Variants in ANTXR1 observed in about 807,000 individuals in gnomAD.
ANTXR1 encodes the protein ANTXR cell adhesion molecule 1, also known as anthrax toxin receptor 1.
Under a neutral mutation model 78.1 loss-of-function variants are expected in ANTXR1, and 19 were observed. That is an observed-to-expected ratio of 0.24 (90% CI 0.17 to 0.36). The LOEUF (loss-of-function observed/expected upper bound fraction) is 0.36. ANTXR1 is among the 10% of genes least tolerant of loss of function. The pLI is 1.00. For synonymous variants in ANTXR1, 273 were observed against 260.5 expected, an observed-to-expected ratio of 1.05 and a Z score of -0.46; for missense variants, 518 against 718.6, an observed-to-expected ratio of 0.72 and a Z score of 3.19.
rs139065872 is a variant in ANTXR1 at position 69,175,026 on chromosome 2, C to G, written c.1089+4737C>G. Among the ~76,000 whole-genome samples the G allele has an allele frequency of 8.4e-3, 1,285 of 152,286 alleles. 10 individuals carry two copies. Among genetic ancestry groups the G allele is most frequent in the Non-Finnish European group, 0.014 (965 of 68,020 alleles). On this transcript the variant is annotated intron_variant, in intron 14 of 17. Transcript: ENST00000303714. ...CATAGAGCAGTCTTTCCTCACTGGTCCCTGAAGACAATGTAGCTCCTGCAA... is the reference window on the plus strand; with the variant it reads ...CATAGAGCAGTCTTTCCTCACTGGTGCCTGAAGACAATGTAGCTCCTGCAA...
intron 17 of ANTXR1, among the ~76,000 whole-genome samples, chr2:69,207,834 G>T (rs1373812363): frequency 6.6e-6 from 1 of 152,194 alleles, no homozygotes; most frequent in African/African-American, 2.4e-5. Context: ...AGGTGGAGAA[G>T]AATTTTATTG....
Position 69,026,485 on chromosome 2 carries a change from G to T in ANTXR1, c.152+12834G>T, listed in dbSNP as rs142914166. Reference sequence around the variant, plus strand: ...TAAAGTGCCCAGCACAATGCCTGCTGCTTAGTCAGTACTCAGTAAATGTGA... The same window carrying T: ...TAAAGTGCCCAGCACAATGCCTGCTTCTTAGTCAGTACTCAGTAAATGTGA... On this transcript the variant is annotated intron_variant, in intron 1 of 17. Transcript: ENST00000303714. 1.6e-3 allele frequency among the ~76,000 whole-genome samples: 251 copies of T among 152,342 alleles called. 1 individual carries two copies. The highest frequency in any genetic ancestry group is 2.6e-3 in the Non-Finnish European group (174 of 68,032).
intron 3 of ANTXR1, 46 bp from the exon 4 acceptor site, chr2:69,070,601 G>A: frequency 6.3e-7 from 1 of 1,586,802 alleles, no homozygotes; most frequent in Non-Finnish European, 8.7e-7. Flanking sequence ...CAACAGCAAA[G>A]TAAAAAATAC....
intron 17 of ANTXR1, among the ~76,000 whole-genome samples, chr2:69,235,215 G>A (rs1385469691): frequency 6.6e-6 from 1 of 151,682 alleles, no homozygotes; most frequent in Non-Finnish European, 1.5e-5. Flanking sequence ...TAGAGACAGG[G>A]TTTCTCCATG....
intron 9 of ANTXR1, among the ~76,000 whole-genome samples, chr2:69,099,160 T>A (rs558059003): frequency 1.3e-5 from 2 of 152,328 alleles, no homozygotes; most frequent in South Asian, 4.1e-4. Flanking sequence ...CTACTTTCTG[T>A]CTCTGTAGAT....
intron 12 of ANTXR1, among the ~76,000 whole-genome samples, chr2:69,139,457 C>A (rs1673008945): frequency 6.6e-6 from 1 of 152,236 alleles, no homozygotes; most frequent in Non-Finnish European, 1.5e-5. Flanking sequence ...TGATGTCTAT[C>A]TTTCTATGCC....
intron 12 of ANTXR1, among the ~76,000 whole-genome samples, chr2:69,137,544 T>G (rs768903897): frequency 6.6e-6 from 1 of 151,730 alleles, no homozygotes; most frequent in African/African-American, 2.4e-5. Context: ...AGTGCAAAAT[T>G]GAAAAAGGAT....
intron 3 of ANTXR1, among the ~76,000 whole-genome samples, chr2:69,049,717 T>C (rs1363717404): frequency 6.6e-6 from 1 of 152,192 alleles, no homozygotes; most frequent in Admixed American, 6.6e-5. Context: ...ATTAATTCTG[T>C]CTTCTTTTCT....
intron 17 of ANTXR1, among the ~76,000 whole-genome samples, chr2:69,225,602 C>T (rs1184027178): frequency 6.6e-6 from 1 of 152,096 alleles, no homozygotes; most frequent in Non-Finnish European, 1.5e-5. Context: ...TGGTGTTCTG[C>T]TCAGCTCGCT....
At chr2:69,050,373 C>A (rs10178185) in intron 3 of ANTXR1, among the ~76,000 whole-genome samples, 4,506 of 151,892 alleles carry the variant, frequency 0.03, 258 homozygotes, top group African/African-American at 0.1. Context: ...TAAACTTTAT[C>A]ATGGTTTGCT....
intron 1 of ANTXR1, among the ~76,000 whole-genome samples, chr2:69,020,053 A>G (rs1671138540): frequency 6.6e-6 from 1 of 152,158 alleles, no homozygotes; most frequent in African/African-American, 2.4e-5. Flanking sequence ...GCATGCATGT[A>G]TCTTTATAAT....
chr2:69,018,751 CTCT>C (rs144410838), intron 1 of ANTXR1, among the ~76,000 whole-genome samples: 2,130 of 152,280 alleles, frequency 0.014, 52 homozygotes, highest in African/African-American at 0.049. Flanking sequence ...CCCAGACCAG[CTCT>C]TTCCACTCAT....
chr2:69,121,471 A>G (rs957921818), intron 10 of ANTXR1, among the ~76,000 whole-genome samples: 2 of 152,144 alleles, frequency 1.3e-5, no homozygotes, highest in Non-Finnish European at 2.9e-5. Context: ...TTTCCTGTAC[A>G]TCTTCTTCCT....
At chr2:69,185,086 T>G (rs375351434) in intron 16 of ANTXR1, among the ~76,000 whole-genome samples, 3 of 152,316 alleles carry the variant, frequency 2.0e-5, no homozygotes, top group East Asian at 3.9e-4. Flanking sequence ...TTAGTCTCTG[T>G]AGTAAAGCAC....
At chr2:69,176,708 C>A (rs1310802967) in intron 14 of ANTXR1, among the ~76,000 whole-genome samples, 3 of 152,188 alleles carry the variant, frequency 2.0e-5, no homozygotes, top group Non-Finnish European at 4.4e-5. Context: ...AAATAAAAAT[C>A]TCTTGTTGAG....
At chr2:69,014,205 T>G (rs568907301) in intron 1 of ANTXR1, among the ~76,000 whole-genome samples, 1 of 152,352 alleles carries the variant, frequency 6.6e-6, no homozygotes, top group African/African-American at 2.4e-5. Flanking sequence ...TTTCTTAACC[T>G]TGGCACTTCT....
chr2:69,104,717 C>T (rs2104326046), intron 10 of ANTXR1, among the ~76,000 whole-genome samples: 1 of 152,296 alleles, frequency 6.6e-6, no homozygotes, highest in Non-Finnish European at 1.5e-5. Context: ...TCTGAAGATA[C>T]ATGGAAGTGG....
intron 12 of ANTXR1, among the ~76,000 whole-genome samples, chr2:69,151,448 A>T (rs548830119): frequency 1.8e-4 from 28 of 152,034 alleles, no homozygotes; most frequent in Non-Finnish European, 3.2e-4. Context: ...CAGAATGTTG[A>T]CACCAAGTGG....
chr2:69,085,043 G>T (rs1046358600), intron 8 of ANTXR1, among the ~76,000 whole-genome samples: 10 of 151,706 alleles, frequency 6.6e-5, no homozygotes, highest in African/African-American at 2.4e-4. Flanking sequence ...TAGTAGAGAC[G>T]GGGCAACTTT....
Sources: gnomAD v4.1 joint callset for allele counts (sites outside exome capture counted in the v4.1 genomes callset) on GRCh38, gnomAD v4.1.1 for gene constraint, MANE v1.5 for transcripts, NCBI Gene and HGNC (gene_info 2026-07-23, HGNC 2026-07-21) for gene names.